PHF21A: variants seen among roughly 807,000 people sequenced by gnomAD.
PHF21A encodes the protein PHD finger protein 21A, also known as BHC80a.
PHF21A carries 11 observed loss-of-function variants against 82.5 expected under a neutral mutation model. The ratio of observed to expected loss-of-function variants is 0.13; its 90% CI spans 0.08 to 0.22. The LOEUF (loss-of-function observed/expected upper bound fraction) is 0.22. PHF21A is among the 10% of genes least tolerant of loss of function. PHF21A has a pLI of 1.00. For synonymous variants in PHF21A, 297 were observed against 302.8 expected, an observed-to-expected ratio of 0.98 and a Z score of 0.20; for missense variants, 579 against 837.8, an observed-to-expected ratio of 0.69 and a Z score of 3.81.
chr11:45,953,336 C>G (rs2092343306), intron 11 of PHF21A, among the ~76,000 whole-genome samples, 191 bp downstream of exon 11: 1 of 152,220 alleles, frequency 6.6e-6, no homozygotes, highest in East Asian at 1.9e-4. Flanking sequence ...TGCATGGACC[C>G]TCAAGACTAC....
intron 10 of PHF21A, among the ~76,000 whole-genome samples, chr11:45,960,859 T>C (rs982850565): frequency 3.9e-5 from 6 of 152,230 alleles, no homozygotes; most frequent in Non-Finnish European, 7.3e-5. Context: ...ACCAGTATTT[T>C]AACAACTTGG....
chr11:46,105,132 GA>G (rs2097139282), intron 1 of PHF21A, among the ~76,000 whole-genome samples: 1 of 152,142 alleles, frequency 6.6e-6, no homozygotes, highest in Non-Finnish European at 1.5e-5. Flanking sequence ...GGCAGAGCAG[GA>G]AGTCATTTGG....
chr11:46,093,593 C>A (rs2096953532), intron 1 of PHF21A, among the ~76,000 whole-genome samples: 2 of 152,186 alleles, frequency 1.3e-5, no homozygotes, highest in Admixed American at 1.3e-4. Context: ...ATGCAACAAT[C>A]TGTAGAACAA....
At chr11:45,963,525 C>T (rs1214405520) in intron 10 of PHF21A, among the ~76,000 whole-genome samples, 1 of 151,710 alleles carries the variant, frequency 6.6e-6, no homozygotes, top group Non-Finnish European at 1.5e-5. Flanking sequence ...AAAGTTTACT[C>T]TCTCTTTAGA....
chr11:46,118,747 T>G (rs1015852439), intron 1 of PHF21A: 9 of 152,096 alleles, frequency 5.9e-5, no homozygotes, highest in Admixed American at 5.2e-4. Flanking sequence ...CTTACCAAAA[T>G]TAAAATGAAT....
intron 6 of PHF21A, among the ~76,000 whole-genome samples, chr11:46,008,971 CT>C (rs368337006): frequency 1.2e-3 from 133 of 111,582 alleles, no homozygotes; most frequent in East Asian, 6.9e-3. Flanking sequence ...TCACATTTCA[CT>C]TTTTTTTTTT....
chr11:46,029,265 T>A (rs2095816464), intron 6 of PHF21A, among the ~76,000 whole-genome samples: 1 of 152,236 alleles, frequency 6.6e-6, no homozygotes, highest in African/African-American at 2.4e-5. Context: ...AACAAATACT[T>A]GTTGAATTTT....
chr11:46,053,862 G>A (rs969117099), intron 6 of PHF21A, among the ~76,000 whole-genome samples: 1 of 152,114 alleles, frequency 6.6e-6, no homozygotes, highest in Non-Finnish European at 1.5e-5. Context: ...CACCTCAAAA[G>A]TTACTATGAC....
At chr11:45,992,428 T>C (rs1055351602) in intron 6 of PHF21A, among the ~76,000 whole-genome samples, 53 of 151,050 alleles carry the variant, frequency 3.5e-4, no homozygotes, top group Non-Finnish European at 5.9e-4. Flanking sequence ...TAGTCCCAGC[T>C]ACTCGGGAGG....
chr11:45,945,645 T>C (rs2091178537), intron 15 of PHF21A, among the ~76,000 whole-genome samples, 195 bp downstream of exon 15: 1 of 152,202 alleles, frequency 6.6e-6, no homozygotes, highest in African/African-American at 2.4e-5. Flanking sequence ...ATATTTAACA[T>C]GTTTCTCAAG....
chr11:46,114,407 A>G (rs2097262579), intron 1 of PHF21A, among the ~76,000 whole-genome samples: 1 of 152,218 alleles, frequency 6.6e-6, no homozygotes, highest in Non-Finnish European at 1.5e-5. Flanking sequence ...CACCTTCACA[A>G]ACATGTTTTG....
intron 7 of PHF21A, among the ~76,000 whole-genome samples, chr11:45,977,758 T>C (rs2094105009): frequency 6.6e-6 from 1 of 152,196 alleles, no homozygotes; most frequent in Non-Finnish European, 1.5e-5. Context: ...GTCCTAGCTA[T>C]CTGATTTACA....
At position 46,111,075 on chromosome 11, in the gene PHF21A, G is replaced by A. The variant is rs541771186; in HGVS notation, c.-237+9860C>T. On this transcript the variant is annotated intron_variant, in intron 1 of 18. Coordinates refer to ENST00000676320, the MANE Select transcript of PHF21A (RefSeq NM_001352027.3). ...GCTGGGATTACAGGCGTGAGCCACC[G>A]CGCCTGGCCATATTAACAAATTTTA... Among the ~76,000 whole-genome samples, 10 of 151,084 alleles carry A rather than the reference G, an allele frequency of 6.6e-5. No homozygotes were observed. In the South Asian group the frequency reaches 1.1e-3, roughly 16 times the overall value.
chr11:45,935,143 G>A (rs2088565528), intron 18 of PHF21A: 1 of 1,289,376 alleles, frequency 7.8e-7, no homozygotes, highest in South Asian at 1.2e-5. Context: ...TCTCTAGAAA[G>A]CCCGCTTCCT....
At chr11:45,939,113 T>C (rs1191837391) in intron 15 of PHF21A, among the ~76,000 whole-genome samples, 1 of 152,244 alleles carries the variant, frequency 6.6e-6, no homozygotes, top group South Asian at 2.1e-4. Flanking sequence ...ATTACAGGCG[T>C]GAGCCACTGC....
chr11:46,092,157 G>A (rs1373506945), intron 2 of PHF21A, 26 bp downstream of exon 2: 1 of 151,160 alleles, frequency 6.6e-6, no homozygotes, highest in Non-Finnish European at 1.5e-5. Flanking sequence ...TCAGGCACAC[G>A]ATGTCTACCT....
intron 18 of PHF21A, chr11:45,935,236 C>T (rs1286806178): frequency 2.3e-6 from 3 of 1,296,406 alleles, no homozygotes; most frequent in Admixed American, 2.3e-5. Context: ...TGGGCCCACT[C>T]GCTCAGGTGA....
chr11:46,083,946 T>C (rs79368845), intron 4 of PHF21A, among the ~76,000 whole-genome samples: 1,947 of 152,312 alleles, frequency 0.013, 21 homozygotes, highest in Middle Eastern at 0.027. Flanking sequence ...AAAAAATCTT[T>C]TCAGTTCTTT....
chr11:46,041,473 C>A (rs2096138610), intron 6 of PHF21A, among the ~76,000 whole-genome samples: 1 of 152,108 alleles, frequency 6.6e-6, no homozygotes, highest in African/African-American at 2.4e-5. Context: ...TATTGGGAAA[C>A]TAAGGGGTAA....
Sources: allele counts gnomAD v4.1 joint callset (sites outside exome capture counted in the v4.1 genomes callset), GRCh38; gene constraint gnomAD v4.1.1; transcripts MANE v1.5; gene names NCBI Gene and HGNC (gene_info 2026-07-23, HGNC 2026-07-21).